FOXP1: variants seen among roughly 807,000 people sequenced by gnomAD.
The protein encoded by FOXP1 is forkhead box protein P1.
In FOXP1, 15 loss-of-function variants were observed where a neutral mutation model predicts 98.2. The ratio of observed to expected loss-of-function variants is 0.15; its 90% CI spans 0.10 to 0.24. The LOEUF is 0.24. Among genes scored for constraint, FOXP1 ranks in the 10% least tolerant of loss-of-function variants. The pLI is 1.00. For missense variants in FOXP1, 633 were observed against 848.5 expected (o/e 0.75, Z 3.15); for synonymous variants, 371 against 314.5 (o/e 1.18, Z -1.90).
intron 5 of FOXP1, among the ~76,000 whole-genome samples, chr3:71,207,768 G>A (rs2064158415): frequency 6.6e-6 from 1 of 152,126 alleles, no homozygotes; most frequent in Admixed American, 6.5e-5. Flanking sequence ...GATGCGAGCT[G>A]AGAGTTTTCT....
At chr3:71,393,841 T>A (rs1347896529) in intron 3 of FOXP1, among the ~76,000 whole-genome samples, 1 of 152,202 alleles carries the variant, frequency 6.6e-6, no homozygotes, top group Admixed American at 6.5e-5. Context: ...GACTCTCTCA[T>A]CCCATCTGAT....
Position 70,958,898 on chromosome 3 carries a change from A to G in FOXP1, c.*349T>C, listed in dbSNP as rs559375322. The G allele has an allele frequency of 6.2e-5, 26 of 417,708 alleles. No homozygotes were observed. The highest frequency in any genetic ancestry group is 7.6e-5 in the Non-Finnish European group (17 of 223,324). The allele number at this position is 417,708 out of a possible 1,614,324, so 25.9% of individuals were successfully genotyped here. ...CTCTGTCGGGCGTCCTCAGTGTCCA[A>G]CGTTGGCAGGACTGCAGTTCAAAGT... On this transcript the variant is annotated 3_prime_UTR_variant, in exon 21 of 21. Transcript: ENST00000649528.
intron 5 of FOXP1, among the ~76,000 whole-genome samples, chr3:71,231,620 C>T (rs1016130136): frequency 1.3e-5 from 2 of 152,200 alleles, no homozygotes; most frequent in African/African-American, 4.8e-5. Flanking sequence ...AAATGGACTA[C>T]AAGCACTGTT....
chr3:71,125,626 T>G (rs543046720), intron 6 of FOXP1, among the ~76,000 whole-genome samples: 84 of 152,204 alleles, frequency 5.5e-4, no homozygotes, highest in African/African-American at 2.0e-3. Flanking sequence ...GCTCACAGAG[T>G]TGTGCTCAAA....
At chr3:71,232,878 A>C (rs1483924189) in intron 5 of FOXP1, among the ~76,000 whole-genome samples, 4 of 80,546 alleles carry the variant, frequency 5.0e-5, no homozygotes, top group African/African-American at 2.2e-4. Flanking sequence ...ACTCTGTCTC[A>C]AAAAAAAAAA....
intron 6 of FOXP1, among the ~76,000 whole-genome samples, chr3:71,144,699 G>A (rs191451348): frequency 6.6e-6 from 1 of 152,156 alleles, no homozygotes; most frequent in East Asian, 1.9e-4. Flanking sequence ...AGTTTGGACT[G>A]ACACATTGAT....
intron 3 of FOXP1, among the ~76,000 whole-genome samples, chr3:71,406,403 GTGTATATATA>G (rs2082333461): frequency 9.3e-6 from 1 of 107,902 alleles, no homozygotes. Flanking sequence ...ATAACTGTAT[GTGTATATATA>G]TATATATATA....
At chr3:71,330,965 C>T (rs917429737) in intron 4 of FOXP1, among the ~76,000 whole-genome samples, 5 of 152,246 alleles carry the variant, frequency 3.3e-5, no homozygotes, top group African/African-American at 7.2e-5. Flanking sequence ...GAGGTGACAG[C>T]GTGCTGGCAG....
chr3:71,467,079 T>C (rs747685712), intron 3 of FOXP1, among the ~76,000 whole-genome samples: 2 of 152,188 alleles, frequency 1.3e-5, no homozygotes, highest in Non-Finnish European at 2.9e-5. Context: ...CCACAGATGT[T>C]GCGAGCTTGA....
At chr3:71,268,429 G>C (rs1349373082) in intron 5 of FOXP1, among the ~76,000 whole-genome samples, 3 of 150,676 alleles carry the variant, frequency 2.0e-5, no homozygotes, top group African/African-American at 7.5e-5. Flanking sequence ...TGGGAAAGTT[G>C]GGGGGGTAGT....
In FOXP1 at chr3:71,057,291, C is replaced by CTTTTTTTT. The variant is rs10670020; in HGVS notation, c.283-3526_283-3519dup. ...TTAAAAGTATTCAGTAAAAACGAAA[C>CTTTTTTTT]TTTTTTTTTTTTTTTTTTTTTTTTT... On this transcript the variant is annotated intron_variant, in intron 7 of 20. Coordinates refer to ENST00000649528, the MANE Select transcript of FOXP1 (RefSeq NM_001349338.3). 2.1e-3 allele frequency among the ~76,000 whole-genome samples: 16 copies of CTTTTTTTT among 7,490 alleles called. 6 individuals carry two copies. The highest frequency in any genetic ancestry group is 8.9e-3 in the East Asian group (2 of 224). 4.9% of individuals were successfully genotyped at this position (7,490 alleles called of 152,430 possible). A position where few individuals can be genotyped will look rare whatever the true frequency, so the allele number is the denominator to read the frequency against.
intron 6 of FOXP1, among the ~76,000 whole-genome samples, chr3:71,167,089 C>A (rs1233329838): frequency 1.3e-5 from 2 of 151,906 alleles, no homozygotes; most frequent in African/African-American, 4.8e-5. Context: ...CAGTGTTATC[C>A]AGCCAAATTT....
At chr3:71,449,303 C>A (rs1175101814) in intron 3 of FOXP1, among the ~76,000 whole-genome samples, 1 of 152,164 alleles carries the variant, frequency 6.6e-6, no homozygotes, top group Non-Finnish European at 1.5e-5. Flanking sequence ...AGTTCAAGAT[C>A]AGCATTGACA....
intron 3 of FOXP1, among the ~76,000 whole-genome samples, chr3:71,487,798 G>A (rs968161411): frequency 6.6e-6 from 1 of 152,164 alleles, no homozygotes; most frequent in African/African-American, 2.4e-5. Context: ...ATCCCGTAAG[G>A]GGCTTAGAGA....
intron 7 of FOXP1, among the ~76,000 whole-genome samples, chr3:71,078,107 C>T (rs2054013165): frequency 6.6e-6 from 1 of 151,858 alleles, no homozygotes; most frequent in African/African-American, 2.4e-5. Context: ...GCTGGGATTA[C>T]AGGCATGAAC....
chr3:71,416,311 G>A (rs898911611), intron 3 of FOXP1, among the ~76,000 whole-genome samples: 15 of 152,026 alleles, frequency 9.9e-5, no homozygotes, highest in African/African-American at 3.4e-4. Context: ...CGAGGCAGGA[G>A]GGTTGCTTGA....
chr3:71,427,899 T>C (rs1159711465), intron 3 of FOXP1, among the ~76,000 whole-genome samples: 6 of 152,114 alleles, frequency 3.9e-5, no homozygotes, highest in Non-Finnish European at 7.4e-5. Flanking sequence ...GAGATCTGAA[T>C]GAAGGTCAGG....
chr3:71,091,326 C>T (rs1036823927), intron 7 of FOXP1, among the ~76,000 whole-genome samples: 1 of 151,924 alleles, frequency 6.6e-6, no homozygotes, highest in Non-Finnish European at 1.5e-5. Context: ...CCCGTCTCTA[C>T]TAAAAATACA....
At chr3:71,320,988 T>C (rs1204087170) in intron 4 of FOXP1, among the ~76,000 whole-genome samples, 1 of 152,106 alleles carries the variant, frequency 6.6e-6, no homozygotes, top group Non-Finnish European at 1.5e-5. Flanking sequence ...TATGATACAG[T>C]GCAAAGGAAA....
Sources: gnomAD v4.1 joint callset for allele counts (sites outside exome capture counted in the v4.1 genomes callset) on GRCh38, gnomAD v4.1.1 for gene constraint, MANE v1.5 for transcripts, NCBI Gene and HGNC (gene_info 2026-07-23, HGNC 2026-07-21) for gene names.